UBASH3B: variants seen among roughly 807,000 people sequenced by gnomAD.
UBASH3B encodes the protein ubiquitin-associated and SH3 domain-containing protein B.
A neutral mutation model predicts 83.4 loss-of-function variants in UBASH3B; 37 were observed. The ratio of observed to expected loss-of-function variants is 0.44; its 90% confidence interval spans 0.34 to 0.58. UBASH3B has a LOEUF of 0.58. Among genes scored for constraint, UBASH3B ranks in the 20% least tolerant of loss-of-function variants. UBASH3B has a pLI of 0.01. For synonymous variants in UBASH3B, 304 were observed against 318.3 expected, an observed-to-expected ratio of 0.96 and a Z score of 0.48; for missense variants, 657 against 827.2, an observed-to-expected ratio of 0.79 and a Z score of 2.52.
intron 6 of UBASH3B, 67 bp downstream of exon 6, chr11:122,789,375 C>T: frequency 6.5e-7 from 1 of 1,534,500 alleles, no homozygotes; most frequent in Non-Finnish European, 9.0e-7. Context: ...ATCCTGGATA[C>T]ACAGGGCAGC....
intron 1 of UBASH3B, among the ~76,000 whole-genome samples, chr11:122,726,623 G>A (rs1268742469): frequency 6.6e-6 from 1 of 152,182 alleles, no homozygotes; most frequent in Non-Finnish European, 1.5e-5. Context: ...TTGCTGGCAT[G>A]AGCCACTGTG....
chr11:122,748,840 A>C (rs1424979966), intron 1 of UBASH3B, among the ~76,000 whole-genome samples: 1 of 152,220 alleles, frequency 6.6e-6, no homozygotes, highest in Non-Finnish European at 1.5e-5. Flanking sequence ...CCACTTAACA[A>C]GTCCCTTGGA....
intron 13 of UBASH3B, among the ~76,000 whole-genome samples, chr11:122,808,969 G>A (rs1422840217): frequency 1.3e-5 from 1 of 75,814 alleles, no homozygotes; most frequent in African/African-American, 4.3e-5. Flanking sequence ...GCAGAGACTC[G>A]TAAGGAGAAA....
chr11:122,798,849 C>A, intron 9 of UBASH3B, 93 bp from the exon 10 acceptor site: 2 of 928,644 alleles, frequency 2.2e-6, no homozygotes, highest in Non-Finnish European at 3.4e-6. Context: ...GAGGGGTTTA[C>A]AGGAGCTTAC....
chr11:122,673,608 G>A (rs1054733669), intron 1 of UBASH3B, among the ~76,000 whole-genome samples: 42 of 152,184 alleles, frequency 2.8e-4, no homozygotes, highest in African/African-American at 9.4e-4. Flanking sequence ...GCAGTGAGCC[G>A]AGATGGCTCC....
chr11:122,717,459 C>T (rs1009944065), intron 1 of UBASH3B, among the ~76,000 whole-genome samples: 1 of 152,224 alleles, frequency 6.6e-6, no homozygotes, highest in East Asian at 1.9e-4. Flanking sequence ...TTGTCACACC[C>T]AGGCTGCCTG....
At chr11:122,666,792 A>AT (rs1156713891) in intron 1 of UBASH3B, among the ~76,000 whole-genome samples, 1 of 151,642 alleles carries the variant, frequency 6.6e-6, no homozygotes, top group Non-Finnish European at 1.5e-5. Flanking sequence ...TCCTAATCAG[A>AT]TTTTACCCAT....
intron 1 of UBASH3B, among the ~76,000 whole-genome samples, chr11:122,730,461 C>G (rs572708658): frequency 6.6e-6 from 1 of 152,180 alleles, no homozygotes; most frequent in Non-Finnish European, 1.5e-5. Context: ...TGTTTCAGGT[C>G]AGCCTCCTCA....
In UBASH3B at chr11:122,810,773, A is replaced by C. The variant is rs1038093790; in HGVS notation, c.*887A>C. 2.6e-5 allele frequency: 4 copies of C among 152,236 alleles called. No homozygotes were observed. The highest frequency in any genetic ancestry group is 6.5e-5 in the Admixed American group (1 of 15,282). The allele number at this position is 152,236 out of a possible 1,614,324, so 9.4% of individuals were successfully genotyped here. On this transcript the variant is annotated 3_prime_UTR_variant, in exon 14 of 14. Transcript: ENST00000284273. ...TGCCCCTAGACTCTAGACTATGTTA[A>C]CTAGTTAAGGATGTTACATTTTGAA...
In UBASH3B at chr11:122,794,717, A is replaced by T; in HGVS notation, c.996A>T (p.Leu332Phe). Residue 332 changes from leucine to phenylalanine, a missense_variant, in exon 7 of 14, where the codon TTA becomes TTT. By Grantham distance (22) the Leu-to-Phe change is conservative. This residue lies in a region of UBASH3B where 573 missense variants were observed against 739.0 expected (regional missense o/e 0.78). Transcript: ENST00000284273. ...TWIFHGSYSILNTSSSNSLTF... is the reference protein window; with the variant it reads ...TWIFHGSYSIFNTSSSNSLTF... ...TCCTCTGCAGTTCTTATTCAATCTT[A>T]AATACATCGTCATCCAACTCTCTCA... is the stretch of plus-strand genomic sequence containing the variant. 6.2e-7 allele frequency: 1 copy of T among 1,614,078 alleles called. No individual in the cohort carries two copies. The highest frequency in any genetic ancestry group is 8.5e-7 in the Non-Finnish European group (1 of 1,180,014).
chr11:122,802,635 C>T (rs1188950865), intron 11 of UBASH3B, among the ~76,000 whole-genome samples: 1 of 152,112 alleles, frequency 6.6e-6, no homozygotes, highest in Non-Finnish European at 1.5e-5. Context: ...AATAAGACCT[C>T]GGATAACCCC....
At chr11:122,762,406 G>T (rs1474355361) in intron 1 of UBASH3B, among the ~76,000 whole-genome samples, 1 of 152,150 alleles carries the variant, frequency 6.6e-6, no homozygotes, top group African/African-American at 2.4e-5. Flanking sequence ...GGCAGCCCTG[G>T]CCAGCCTCTC....
At chr11:122,657,252 T>A (rs183199452) in intron 1 of UBASH3B, among the ~76,000 whole-genome samples, 2 of 151,938 alleles carry the variant, frequency 1.3e-5, no homozygotes, top group African/African-American at 4.8e-5. Context: ...AAGTCCTTTT[T>A]ATTTTTTTCC....
At chr11:122,690,256 TTATA>T (rs201574384) in intron 1 of UBASH3B, among the ~76,000 whole-genome samples, 11 of 117,864 alleles carry the variant, frequency 9.3e-5, no homozygotes, top group African/African-American at 3.3e-4. Flanking sequence ...ATATATCCAA[TTATA>T]TATATATATA....
rs762387548 is a variant in UBASH3B at position 122,779,499 on chromosome 11, C to T, written c.405C>T (p.Cys135=). The T allele has an allele frequency of 2.1e-5, 34 of 1,613,760 alleles. No individual in the cohort carries two copies. The highest frequency in any genetic ancestry group is 1.3e-4 in the East Asian group (6 of 44,888). Residue 135 remains cysteine, a splice_region_variant and synonymous_variant, in exon 4 of 14, where the codon TGC becomes TGT. Transcript: ENST00000284273. ...PHITLCQFFM[C]EDSKVDALGE... is the part of the protein sequence containing the mutation. ...AGACTGCCTGTTTTCCCTGCCAGTG[C>T]GAGGACAGCAAGGTGGATGCCCTGG...
intron 1 of UBASH3B, among the ~76,000 whole-genome samples, chr11:122,665,212 C>T (rs963663742): frequency 7.9e-5 from 12 of 151,792 alleles, no homozygotes; most frequent in African/African-American, 2.9e-4. Context: ...GTGTTTCACT[C>T]TGTCTCCCAG....
In UBASH3B at chr11:122,758,366, G is replaced by A. The variant is rs546186102; in HGVS notation, c.162-17853G>A. On this transcript the variant is annotated intron_variant, in intron 1 of 13. Coordinates refer to ENST00000284273, the MANE Select transcript of UBASH3B (RefSeq NM_032873.5). This position sits in a 1 kb window ranked among gnomAD's most constrained non-coding sequence, Gnocchi z 4.2. ...CTTAGCAGCTTAGCAGTGGTGGAAC[G>A]GGCAGAGTAGAATTTCCTGAGATTT... Among the ~76,000 whole-genome samples the A allele has an allele frequency of 8.5e-5, 13 of 152,316 alleles. No homozygotes were observed. The highest frequency in any genetic ancestry group is 3.4e-3 in the Middle Eastern group (1 of 294).
chr11:122,688,880 G>A (rs1369379375), intron 1 of UBASH3B, among the ~76,000 whole-genome samples: 2 of 151,564 alleles, frequency 1.3e-5, no homozygotes, highest in Admixed American at 6.6e-5. Flanking sequence ...TCCTGACCTC[G>A]TGATCCGCCT....
intron 3 of UBASH3B, among the ~76,000 whole-genome samples, chr11:122,777,822 C>T (rs1860765808): frequency 6.6e-6 from 1 of 152,092 alleles, no homozygotes; most frequent in South Asian, 2.1e-4. Flanking sequence ...CTCCACCTCT[C>T]GAATTCAAGC....
Sources: gnomAD v4.1 joint callset for allele counts (sites outside exome capture counted in the v4.1 genomes callset) on GRCh38, gnomAD v4.1.1 for gene constraint, gnomAD v4.1.1 regional missense constraint, Gnocchi (gnomAD v3.1) non-coding constraint, MANE v1.5 for transcripts, NCBI Gene and HGNC (gene_info 2026-07-23, HGNC 2026-07-21) for gene names.